EFCAB6: variants seen among roughly 807,000 people sequenced by gnomAD.
EFCAB6 encodes the protein EF-hand calcium binding domain 6, also known as EF-hand calcium-binding domain-containing protein 6.
A neutral mutation model predicts 169.8 loss-of-function variants in EFCAB6; 156 were observed. The ratio of observed to expected loss-of-function variants is 0.92; its 90% CI spans 0.81 to 1.05. EFCAB6 has a LOEUF of 1.05. Among genes scored for constraint, EFCAB6 ranks in the 50% least tolerant of loss-of-function variants. The probability of loss-of-function intolerance (pLI) is 0.00; values close to 1 mark genes in which losing one functional copy is unlikely to be tolerated. For missense variants in EFCAB6, 1,800 were observed against 1,829.1 expected, an observed-to-expected ratio of 0.98 and a Z score of 0.29; for synonymous variants, 698 against 676.4, an observed-to-expected ratio of 1.03 and a Z score of -0.50.
intron 23 of EFCAB6, among the ~76,000 whole-genome samples, chr22:43,597,089 C>T (rs1279018810): frequency 6.6e-6 from 1 of 152,094 alleles, no homozygotes. Context: ...TCAATACAGA[C>T]AAAAATCAAC....
intron 10 of EFCAB6, among the ~76,000 whole-genome samples, chr22:43,693,652 T>C (rs2147204379): frequency 6.6e-6 from 1 of 151,648 alleles, no homozygotes; most frequent in East Asian, 1.9e-4. Flanking sequence ...AAAGGTACCA[T>C]ACTAATGAAA....
chr22:43,628,968 G>A lies in EFCAB6; in HGVS notation c.2233-2289C>T, dbSNP rs1323202704. ...GTGAGATGGGGCTGCTGGACATGAA[G>A]GAGCAGCATTTCCTAGGCACAAAGC... On this transcript the variant is annotated intron_variant, in intron 19 of 31. Transcript: ENST00000262726. The surrounding 1 kb of genome is among the most constrained non-coding windows in gnomAD (Gnocchi z 4.8). Among the ~76,000 whole-genome samples, 3 of 152,234 alleles carry A rather than the reference G, an allele frequency of 2.0e-5. No homozygotes were observed. Among genetic ancestry groups the A allele is most frequent in the Non-Finnish European group, 2.9e-5 (2 of 68,044 alleles).
At chr22:43,647,552 C>T (rs2056238912) in intron 17 of EFCAB6, among the ~76,000 whole-genome samples, 2 of 152,102 alleles carry the variant, frequency 1.3e-5, no homozygotes, top group South Asian at 2.1e-4. Flanking sequence ...ATTGTGTACC[C>T]CAAAAGGTAT....
At chr22:43,675,360 T>TATATA (rs1227939050) in intron 13 of EFCAB6, among the ~76,000 whole-genome samples, 1 of 130,290 alleles carries the variant, frequency 7.7e-6, no homozygotes, top group Non-Finnish European at 1.6e-5. Flanking sequence ...TATACTATAA[T>TATATA]ATATAATATA....
intron 3 of EFCAB6, among the ~76,000 whole-genome samples, chr22:43,775,231 G>A (rs1443453809): frequency 6.6e-6 from 1 of 152,112 alleles, no homozygotes; most frequent in Non-Finnish European, 1.5e-5. Flanking sequence ...AGGGAAGAGG[G>A]AAGATGCAAC....
chr22:43,704,535 T>C (rs576439061), intron 10 of EFCAB6, among the ~76,000 whole-genome samples: 45 of 152,302 alleles, frequency 3.0e-4, no homozygotes, highest in Admixed American at 2.4e-3. Context: ...AAAAGGAATT[T>C]AAAAGACAGA....
Position 43,590,273 on chromosome 22 carries a change from CAAAT to C in EFCAB6, c.2877-48_2877-45del, listed in dbSNP as rs745505599. 4.9e-5 allele frequency: 78 copies of C among 1,587,748 alleles called. No homozygotes were observed. The African/African-American group carries it at 9.7e-4, about 20-fold the overall frequency. On this transcript the variant is annotated intron_variant, in intron 23 of 31. Coordinates refer to ENST00000262726, the MANE Select transcript of EFCAB6 (RefSeq NM_022785.4). Reference sequence around the variant, plus strand: ...CAGACATACCCTAAAATCAGGAAAACAAATAACTCCTTTAAAGCAAACACTGCAT... The same window carrying C: ...CAGACATACCCTAAAATCAGGAAAACAACTCCTTTAAAGCAAACACTGCAT...
intron 23 of EFCAB6, among the ~76,000 whole-genome samples, chr22:43,594,223 TGA>T (rs2051801061): frequency 7.2e-6 from 1 of 139,066 alleles, no homozygotes; most frequent in African/African-American, 2.7e-5. Flanking sequence ...TGCAGAGAGC[TGA>T]GATTGCACCA....
chr22:43,784,616 TATATACAC>T lies in EFCAB6; in HGVS notation c.-7-2299_-7-2292del, dbSNP rs1299727391. 1.2e-3 allele frequency among the ~76,000 whole-genome samples: 110 copies of T among 95,420 alleles called. 1 individual carries two copies. The highest frequency in any genetic ancestry group is 5.1e-3 in the African/African-American group (107 of 20,882). 62.6% of individuals were successfully genotyped at this position (95,420 alleles called of 152,430 possible). A position where few individuals can be genotyped will look rare whatever the true frequency, so the allele number is the denominator to read the frequency against. On this transcript the variant is annotated intron_variant, in intron 2 of 31. Coordinates refer to ENST00000262726, the MANE Select transcript of EFCAB6 (RefSeq NM_022785.4). Reference sequence around the variant, plus strand: ...GTATATATACACATATATATGTGTATATATACACATATATATGTATATGTACACATATA... The same window carrying T: ...GTATATATACACATATATATGTGTATATATATATGTATATGTACACATATA...
At chr22:43,541,438 G>C (rs1441668031) in intron 27 of EFCAB6, among the ~76,000 whole-genome samples, 1 of 152,226 alleles carries the variant, frequency 6.6e-6, no homozygotes, top group African/African-American at 2.4e-5. Context: ...GGACAGTACA[G>C]TGAGGTCCCT....
chr22:43,752,115 C>CTTT (rs2060791418), intron 6 of EFCAB6, among the ~76,000 whole-genome samples: 13 of 71,832 alleles, frequency 1.8e-4, no homozygotes, highest in Non-Finnish European at 3.5e-4. Context: ...TTCTCCTTTC[C>CTTT]ATTTTTTTTT....
chr22:43,530,093 A>G (rs1447350904), intron 31 of EFCAB6, among the ~76,000 whole-genome samples: 1 of 152,148 alleles, frequency 6.6e-6, no homozygotes, highest in Non-Finnish European at 1.5e-5. Flanking sequence ...CGGCCCCTCA[A>G]TTACGCCATC....
At position 43,735,851 on chromosome 22, in the gene EFCAB6, G is replaced by A; in HGVS notation, c.644+6C>T. The A allele has an allele frequency of 6.2e-7, 1 of 1,611,702 alleles. No individual in the cohort carries two copies. Among genetic ancestry groups the A allele is most frequent in the Non-Finnish European group, 8.5e-7 (1 of 1,179,422 alleles). On this transcript the variant is annotated splice_donor_region_variant and intron_variant, in intron 7 of 31. Coordinates refer to ENST00000262726, the MANE Select transcript of EFCAB6 (RefSeq NM_022785.4). ...GCAATCTCTCACCGTGCCTTCATTT[G>A]CTTACTTTTCGTATTCCTCGTCTCT...
chr22:43,722,363 TA>T (rs35624882), intron 8 of EFCAB6, among the ~76,000 whole-genome samples: 131,317 of 149,606 alleles, frequency 0.88, 57,613 homozygotes, highest in East Asian at 0.99. Flanking sequence ...CATCTCTACT[TA>T]AAAAAAAAAA....
chr22:43,533,295 G>A (rs1337613829), intron 30 of EFCAB6: 1 of 152,230 alleles, frequency 6.6e-6, no homozygotes, highest in East Asian at 1.9e-4. Flanking sequence ...AATGGCTGGT[G>A]GATGAAGACC....
chr22:43,615,750 C>G (rs1270092420), intron 21 of EFCAB6, 76 bp downstream of exon 21: 7 of 1,302,508 alleles, frequency 5.4e-6, no homozygotes, highest in Non-Finnish European at 7.5e-6. Context: ...TGGATCTGAA[C>G]AGCTTCATCA....
intron 4 of EFCAB6, among the ~76,000 whole-genome samples, chr22:43,767,089 T>C (rs1202250191): frequency 5.3e-5 from 8 of 152,214 alleles, no homozygotes; most frequent in Non-Finnish European, 4.4e-5. Context: ...TAAATCTATT[T>C]CATCAAGCTT....
intron 20 of EFCAB6, among the ~76,000 whole-genome samples, chr22:43,621,601 A>C (rs1011312141): frequency 6.6e-6 from 1 of 152,140 alleles, no homozygotes; most frequent in African/African-American, 2.4e-5. Flanking sequence ...ATGAGAGAAA[A>C]AATGACTCAA....
At chr22:43,733,711 C>T (rs937465845) in intron 7 of EFCAB6, among the ~76,000 whole-genome samples, 1 of 151,968 alleles carries the variant, frequency 6.6e-6, no homozygotes, top group Non-Finnish European at 1.5e-5. Context: ...GCTGCTCAGT[C>T]CCCCCTTTTT....
Sources: allele counts gnomAD v4.1 joint callset (sites outside exome capture counted in the v4.1 genomes callset), GRCh38; gene constraint gnomAD v4.1.1; non-coding constraint Gnocchi (gnomAD v3.1); transcripts MANE v1.5; gene names NCBI Gene and HGNC (gene_info 2026-07-23, HGNC 2026-07-21).